The following DOCK4 variants were observed in gnomAD, a reference collection of about 807,000 sequenced individuals.
The protein encoded by DOCK4 is dedicator of cytokinesis 4.
In DOCK4, 97 loss-of-function variants were observed where a neutral mutation model predicts 268.1. That is an observed-to-expected ratio of 0.36 (90% CI 0.31 to 0.43). The LOEUF is 0.43. Among genes scored for constraint, DOCK4 ranks in the 20% least tolerant of loss-of-function variants. The pLI, the probability that DOCK4 is intolerant of heterozygous loss-of-function variation, is 1.00. For missense variants in DOCK4, 2,145 were observed against 2,455.7 expected (o/e 0.87, Z 2.67); for synonymous variants, 954 against 887.2 (o/e 1.08, Z -1.34).
At chr7:111,954,071 C>T (rs1377902764) in intron 8 of DOCK4, among the ~76,000 whole-genome samples, 2 of 152,150 alleles carry the variant, frequency 1.3e-5, no homozygotes, top group African/African-American at 4.8e-5. Context: ...ATGAAATATA[C>T]ATGTTAGTAA....
intron 2 of DOCK4, among the ~76,000 whole-genome samples, chr7:112,002,880 T>G (rs1208147926): frequency 6.6e-6 from 1 of 151,762 alleles, no homozygotes; most frequent in Admixed American, 6.6e-5. Flanking sequence ...TGAAATCCCA[T>G]CTCTACTAAA....
At chr7:111,769,090 A>G (rs1226682225) in intron 37 of DOCK4, among the ~76,000 whole-genome samples, 2 of 152,160 alleles carry the variant, frequency 1.3e-5, no homozygotes, top group Non-Finnish European at 2.9e-5. Context: ...TTGATCTTGA[A>G]CTTCTCAGCC....
chr7:111,846,617 T>C lies in DOCK4; in HGVS notation c.2601+382A>G, dbSNP rs188436593. 9.3e-4 allele frequency among the ~76,000 whole-genome samples: 142 copies of C among 152,322 alleles called. 1 individual carries two copies. The Middle Eastern group carries it at 0.02, about 22-fold the overall frequency. ...CCCGGCCCAAGGACCACAGCCAAGT[T>C]CTGAGTATCATGAAGTAGCCTTTCA... On this transcript the variant is annotated intron_variant, in intron 24 of 52. Coordinates refer to ENST00000428084, the MANE Select transcript of DOCK4 (RefSeq NM_001363540.2).
At chr7:112,106,797 T>C (rs1478397210) in intron 1 of DOCK4, among the ~76,000 whole-genome samples, 2 of 152,230 alleles carry the variant, frequency 1.3e-5, no homozygotes, top group African/African-American at 4.8e-5. Context: ...AGTTCCACCC[T>C]GACCTTTTTT....
At chr7:112,137,070 AAG>A (rs1814425817) in intron 1 of DOCK4, among the ~76,000 whole-genome samples, 1 of 152,182 alleles carries the variant, frequency 6.6e-6, no homozygotes, top group Admixed American at 6.5e-5. Context: ...AAAAGAGAAA[AAG>A]AGAGAGAAGA....
At chr7:111,855,183 G>T (rs1804900830) in intron 23 of DOCK4, among the ~76,000 whole-genome samples, 1 of 152,196 alleles carries the variant, frequency 6.6e-6, no homozygotes, top group Non-Finnish European at 1.5e-5. Context: ...ACTGGGATGT[G>T]AGTAGGAGCT....
chr7:111,981,011 T>C (rs935579602), intron 7 of DOCK4, among the ~76,000 whole-genome samples: 15 of 152,320 alleles, frequency 9.8e-5, no homozygotes, highest in East Asian at 7.7e-4. Flanking sequence ...ACTGCTTAAA[T>C]GAACACAATT....
chr7:111,933,588 C>A (rs1794453726), intron 12 of DOCK4, among the ~76,000 whole-genome samples: 1 of 151,994 alleles, frequency 6.6e-6, no homozygotes, highest in Non-Finnish European at 1.5e-5. Context: ...AGCCACCGCA[C>A]CCAGCCGAGA....
At chr7:111,770,802 T>G (rs1161021141) in intron 36 of DOCK4, among the ~76,000 whole-genome samples, 1 of 152,240 alleles carries the variant, frequency 6.6e-6, no homozygotes, top group Non-Finnish European at 1.5e-5. Flanking sequence ...GTAATTCCTT[T>G]TCTTCATTTA....
intron 23 of DOCK4, among the ~76,000 whole-genome samples, chr7:111,853,828 TTTA>T (rs1311327101): frequency 2.0e-5 from 3 of 152,210 alleles, no homozygotes; most frequent in African/African-American, 7.2e-5. Context: ...CACACACTGT[TTTA>T]TTGTCATATT....
intron 6 of DOCK4, 85 bp downstream of exon 6, chr7:111,988,930 T>G: frequency 1.3e-5 from 19 of 1,504,686 alleles, no homozygotes; most frequent in East Asian, 2.5e-5. Context: ...TTGCTTCCAG[T>G]GACATTACCA....
intron 45 of DOCK4, 108 bp from the exon 46 acceptor site, chr7:111,741,769 C>CAGA: frequency 7.2e-7 from 1 of 1,393,482 alleles, no homozygotes. Context: ...ATCAAGTCTT[C>CAGA]ACATAGGGAG....
chr7:111,969,240 A>C (rs938991078), intron 8 of DOCK4, among the ~76,000 whole-genome samples: 8 of 134,836 alleles, frequency 5.9e-5, no homozygotes, highest in African/African-American at 2.4e-4. Flanking sequence ...ACAGCTGTAC[A>C]AACAAATAAT....
At chr7:111,957,501 A>G (rs999143425) in intron 8 of DOCK4, among the ~76,000 whole-genome samples, 1 of 152,128 alleles carries the variant, frequency 6.6e-6, no homozygotes, top group Non-Finnish European at 1.5e-5. Context: ...AACAACCTGG[A>G]AAAAATACTT....
intron 25 of DOCK4, among the ~76,000 whole-genome samples, chr7:111,834,920 G>T (rs531629623): frequency 6.6e-6 from 1 of 151,716 alleles, no homozygotes; most frequent in East Asian, 1.9e-4. Context: ...TTTTAGGGAG[G>T]ATTTTTTTTT....
chr7:112,104,373 C>T (rs2135827770), intron 1 of DOCK4, among the ~76,000 whole-genome samples: 1 of 152,294 alleles, frequency 6.6e-6, no homozygotes, highest in South Asian at 2.1e-4. Flanking sequence ...ACCAGCCATG[C>T]TCTCTCCATT....
Position 111,728,459 on chromosome 7 carries a change from A to G in DOCK4, c.5743T>C (p.Tyr1915His), listed in dbSNP as rs1405953363. Residue 1915 changes from tyrosine to histidine, a missense_variant, in exon 53 of 53, where the codon TAC becomes CAC. Coordinates refer to ENST00000428084, the MANE Select transcript of DOCK4 (RefSeq NM_001363540.2). ...ESKTPPPYSVYERTLRRPVPL... is the reference protein window; with the variant it reads ...ESKTPPPYSVHERTLRRPVPL... ...ACGGGGCGCCGCAGAGTCCGCTCGT[A>G]GACGCTGTACGGGGGCGGAGTCTTG... 8 of 1,609,340 alleles carry G rather than the reference A, an allele frequency of 5.0e-6. No homozygotes were observed. In the African/African-American group the frequency reaches 8.0e-5, roughly 16 times the overall value.
intron 13 of DOCK4, among the ~76,000 whole-genome samples, chr7:111,911,508 A>G (rs1160040752): frequency 6.6e-6 from 1 of 152,226 alleles, no homozygotes; most frequent in Non-Finnish European, 1.5e-5. Flanking sequence ...GTGCTTTTAA[A>G]AAAACCTCTT....
chr7:111,893,206 T>C (rs1808434244), intron 16 of DOCK4, among the ~76,000 whole-genome samples: 1 of 152,214 alleles, frequency 6.6e-6, no homozygotes, highest in Non-Finnish European at 1.5e-5. Context: ...TAATACCTGT[T>C]TGACTCCTAA....
Sources: allele counts gnomAD v4.1 joint callset (sites outside exome capture counted in the v4.1 genomes callset), GRCh38; gene constraint gnomAD v4.1.1; transcripts MANE v1.5; gene names NCBI Gene and HGNC (gene_info 2026-07-23, HGNC 2026-07-21).